The following ADGRA1 variants were observed in gnomAD, a reference collection of about 807,000 sequenced individuals.
The protein encoded by ADGRA1 is G-protein coupled receptor 123.
In ADGRA1, 12 loss-of-function variants were observed where a neutral mutation model predicts 21.3. The observed-to-expected ratio is 0.56, with a 90% CI of 0.36 to 0.91. The LOEUF (loss-of-function observed/expected upper bound fraction) is 0.91. ADGRA1 is among the 40% of genes least tolerant of loss of function. ADGRA1 has a pLI of 0.01. For missense variants in ADGRA1, 790 were observed against 805.6 expected, an observed-to-expected ratio of 0.98 and a Z score of 0.23; for synonymous variants, 385 against 368.8, an observed-to-expected ratio of 1.04 and a Z score of -0.50.
chr10:133,104,948 G>A (rs1470982063), intron 5 of ADGRA1, among the ~76,000 whole-genome samples: 1 of 152,088 alleles, frequency 6.6e-6, no homozygotes, highest in East Asian at 1.9e-4. Context: ...CCCACACCCC[G>A]AAGGTGCTCA....
chr10:133,088,132 A>C lies in ADGRA1; in HGVS notation c.-209A>C. Reference sequence around the variant, plus strand: ...GGCCGCCCCGGCAGCCGCTTCGGCCACAGCAGGTGGGAAGGACGCGCGGGT... The same window carrying C: ...GGCCGCCCCGGCAGCCGCTTCGGCCCCAGCAGGTGGGAAGGACGCGCGGGT... On this transcript the variant is annotated 5_prime_UTR_variant, in exon 1 of 7. Coordinates refer to ENST00000392607, the MANE Select transcript of ADGRA1 (RefSeq NM_001083909.3). 1.0e-6 allele frequency: 1 copy of C among 984,130 alleles called. No individual in the cohort carries two copies. The highest frequency in any genetic ancestry group is 4.7e-5 in the South Asian group (1 of 21,274). 61.0% of individuals were successfully genotyped at this position (984,130 alleles called of 1,614,324 possible).
chr10:133,122,455 T>C (rs1225813862), intron 5 of ADGRA1, among the ~76,000 whole-genome samples: 1 of 152,230 alleles, frequency 6.6e-6, no homozygotes, highest in African/African-American at 2.4e-5. Context: ...GAGGGGCTAA[T>C]GGGCGAGGGG....
intron 6 of ADGRA1, among the ~76,000 whole-genome samples, chr10:133,127,818 C>T (rs1305611061): frequency 2.2e-5 from 3 of 134,222 alleles, no homozygotes; most frequent in East Asian, 2.3e-4. Flanking sequence ...TCCACCTCCG[C>T]CTGGCCCCGC....
chr10:133,092,932 G>A, intron 2 of ADGRA1: 1 of 1,559,098 alleles, frequency 6.4e-7, no homozygotes, highest in Non-Finnish European at 8.6e-7. Flanking sequence ...AAGCACCTGG[G>A]AGGATATGTG....
At position 133,127,306 on chromosome 10, in the gene ADGRA1, G is replaced by C; in HGVS notation, c.475G>C (p.Gly159Arg). The C allele has an allele frequency of 3.7e-6, 6 of 1,600,472 alleles. No individual in the cohort carries two copies. Among genetic ancestry groups the C allele is most frequent in the Non-Finnish European group, 5.1e-6 (6 of 1,174,446 alleles). ...GGCTGCCACGAACATCAGGAATTAC[G>C]GGACAGAGGACGAGGACACGGCGTA... Reference protein sequence around the residue: ...VTAATNIRNYGTEDEDTAYCW... With the variant: ...VTAATNIRNYRTEDEDTAYCW... Residue 159 changes from glycine to arginine, a missense_variant, in exon 6 of 7, where the codon GGG (glycine) becomes CGG (arginine). Coordinates refer to ENST00000392607, the MANE Select transcript of ADGRA1 (RefSeq NM_001083909.3).
rs191903141 is a variant in ADGRA1 at position 133,093,721 on chromosome 10, G to A, written c.4-3253G>A. ...GTGTTCTTCACCCCCCAGGAGCCTG[G>A]CTGCATTGCGAGCCGAGGGTCCAGG... On this transcript the variant is annotated intron_variant, in intron 2 of 6. Transcript: ENST00000392607. Among the ~76,000 whole-genome samples, 301 of 152,346 alleles carry A rather than the reference G, an allele frequency of 2.0e-3. 1 individual carries two copies. The highest frequency in any genetic ancestry group is 4.7e-3 in the Admixed American group (72 of 15,312).
intron 3 of ADGRA1, among the ~76,000 whole-genome samples, chr10:133,098,431 C>T (rs1230862551): frequency 6.6e-6 from 1 of 152,138 alleles, no homozygotes; most frequent in Admixed American, 6.5e-5. Context: ...GCCAGGGTGA[C>T]GTAAGGCAGA....
intron 2 of ADGRA1, among the ~76,000 whole-genome samples, chr10:133,089,414 C>G (rs915764056): frequency 6.6e-6 from 1 of 152,178 alleles, no homozygotes; most frequent in Non-Finnish European, 1.5e-5. Flanking sequence ...ACGGCAGGCA[C>G]GGGAAGGGTG....
Position 133,129,552 on chromosome 10 carries a change from G to T in ADGRA1, c.*41G>T. 4 of 1,510,414 alleles carry T rather than the reference G, an allele frequency of 2.6e-6. No individual in the cohort carries two copies. The highest frequency in any genetic ancestry group is 3.5e-6 in the Non-Finnish European group (4 of 1,128,362). 93.6% of individuals were successfully genotyped at this position (1,510,414 alleles called of 1,614,324 possible). A position where few individuals can be genotyped will look rare whatever the true frequency, so the allele number is the denominator to read the frequency against. ...ACGGTGTTCCTGGAGGAGCTTCAGA[G>T]CAGAGTGGGGGGCCCATCTGCCACA... On this transcript the variant is annotated 3_prime_UTR_variant, in exon 7 of 7. Coordinates refer to ENST00000392607, the MANE Select transcript of ADGRA1 (RefSeq NM_001083909.3).
In ADGRA1 at chr10:133,128,890, C is replaced by A. The variant is rs771091900; in HGVS notation, c.1062C>A (p.Gly354=). 1.9e-6 allele frequency: 3 copies of A among 1,561,690 alleles called. No homozygotes were observed. Among genetic ancestry groups the A allele is most frequent in the South Asian group, 1.2e-5 (1 of 86,502 alleles). ...CGCCGGGACTGGGCCAGCCACGGGG[C>A]TTCGCGCACCCACCGGGCCCCTGCA... The part of the protein sequence containing the change: ...LHSPGLGQPR[G]FAHPPGPCKM... The change falls in exon 7 of 7, where the codon GGC becomes GGA. Residue 354 remains glycine (G), a synonymous_variant. Transcript: ENST00000392607.
chr10:133,128,947 C>T lies in ADGRA1; in HGVS notation c.1119C>T (p.His373=), dbSNP rs1396903838. ...KMTNLQAAQG[H]ASCLSPATPC... Reference sequence around the variant, plus strand: ...CCAACCTGCAGGCCGCGCAGGGCCACGCCAGTTGCCTGTCACCGGCCACCC... The same window carrying T: ...CCAACCTGCAGGCCGCGCAGGGCCATGCCAGTTGCCTGTCACCGGCCACCC... Residue 373 remains histidine, a synonymous_variant, in exon 7 of 7, where the codon CAC becomes CAT. Transcript: ENST00000392607. 1.3e-6 allele frequency: 2 copies of T among 1,556,322 alleles called. No individual in the cohort carries two copies. Among genetic ancestry groups the T allele is most frequent in the African/African-American group, 1.4e-5 (1 of 74,018 alleles).
chr10:133,105,358 C>T (rs1203183342), intron 5 of ADGRA1, among the ~76,000 whole-genome samples: 1 of 152,196 alleles, frequency 6.6e-6, no homozygotes, highest in African/African-American at 2.4e-5. Flanking sequence ...CCCCCGTCCC[C>T]GGCCCAGCTC....
At chr10:133,108,149 G>A (rs1344741543) in intron 5 of ADGRA1, among the ~76,000 whole-genome samples, 3 of 152,210 alleles carry the variant, frequency 2.0e-5, no homozygotes, top group East Asian at 3.8e-4. Context: ...AGACCTCCCC[G>A]AGCACACCTG....
rs1166125192 is a variant in ADGRA1 at position 133,095,185 on chromosome 10, C to G, written c.4-1789C>G. 2.6e-5 allele frequency among the ~76,000 whole-genome samples: 4 copies of G among 152,280 alleles called. No individual in the cohort carries two copies. In the East Asian group the frequency reaches 7.7e-4, roughly 29 times the overall value. On this transcript the variant is annotated intron_variant, in intron 2 of 6. Transcript: ENST00000392607. The stretch of plus-strand genomic sequence containing the variant: ...AGCTGGAGCTCGGACCGGACACTCA[C>G]CCCACGACTGTTGCAGGAGGCAACT...
chr10:133,099,218 A>AGCCCG (rs1851747506), intron 4 of ADGRA1, among the ~76,000 whole-genome samples: 2 of 68,704 alleles, frequency 2.9e-5, no homozygotes, highest in African/African-American at 1.3e-4. Flanking sequence ...GACACAGACC[A>AGCCCG]CCCCTCCAGG....
chr10:133,091,537 T>C (rs1223664452), intron 2 of ADGRA1, among the ~76,000 whole-genome samples: 2 of 152,222 alleles, frequency 1.3e-5, no homozygotes, highest in African/African-American at 2.4e-5. Context: ...TTAGCATCTG[T>C]GTTTCTATGT....
intron 5 of ADGRA1, among the ~76,000 whole-genome samples, chr10:133,117,294 A>G (rs111596048): frequency 7.2e-5 from 11 of 152,094 alleles, no homozygotes. Context: ...TGGGCCCGAG[A>G]CCCGAGACCT....
Position 133,097,053 on chromosome 10 carries a change from T to A in ADGRA1, c.83T>A (p.Met28Lys). Residue 28 changes from methionine to lysine, a missense_variant, in exon 3 of 7, where the codon ATG (methionine) becomes AAG (lysine). This residue lies in a region of ADGRA1 where 382 missense variants were observed against 415.6 expected (regional missense o/e 0.92). Transcript: ENST00000392607. ...GTGGTGTACGCGTGCACGGCCGTCA[T>A]GCTGCTCTGCCTCCTGGCCTCCTTC... ...HPVVYACTAV[M>K]LLCLLASFVT... The A allele has an allele frequency of 6.2e-7, 1 of 1,610,644 alleles. No homozygotes were observed. Among genetic ancestry groups the A allele is most frequent in the African/African-American group, 1.3e-5 (1 of 75,064 alleles).
At chr10:133,105,353 G>A (rs184588320) in intron 5 of ADGRA1, among the ~76,000 whole-genome samples, 20 of 152,248 alleles carry the variant, frequency 1.3e-4, no homozygotes, top group Middle Eastern at 3.4e-3. Context: ...GTAAGCCCCC[G>A]TCCCCGGCCC....
Sources: gnomAD v4.1 joint callset for allele counts (sites outside exome capture counted in the v4.1 genomes callset) on GRCh38, gnomAD v4.1.1 for gene constraint, gnomAD v4.1.1 regional missense constraint, MANE v1.5 for transcripts, NCBI Gene and HGNC (gene_info 2026-07-23, HGNC 2026-07-21) for gene names.